The following GRIK5 variants were observed in gnomAD, a reference collection of about 807,000 sequenced individuals.
The protein encoded by GRIK5 is glutamate ionotropic receptor kainate type subunit 5.
A neutral mutation model predicts 97.4 loss-of-function variants in GRIK5; 43 were observed. The observed-to-expected ratio is 0.44, with a 90% CI of 0.35 to 0.57. The LOEUF (loss-of-function observed/expected upper bound fraction) is 0.57. Among genes scored for constraint, GRIK5 ranks in the 20% least tolerant of loss-of-function variants. GRIK5 has a pLI of 0.01. For missense variants in GRIK5, 1,015 were observed against 1,382.0 expected, an observed-to-expected ratio of 0.73 and a Z score of 4.21; for synonymous variants, 580 against 583.5, an observed-to-expected ratio of 0.99 and a Z score of 0.09.
chr19:42,043,244 A>G (rs1329891226), intron 11 of GRIK5, among the ~76,000 whole-genome samples: 1 of 152,158 alleles, frequency 6.6e-6, no homozygotes, highest in Non-Finnish European at 1.5e-5. Flanking sequence ...GATATTTTCT[A>G]TTCTGCTATA....
chr19:42,036,938 C>T (rs1332759619), intron 12 of GRIK5, among the ~76,000 whole-genome samples: 1 of 152,162 alleles, frequency 6.6e-6, no homozygotes, highest in African/African-American at 2.4e-5. Flanking sequence ...GTCACCACTC[C>T]CCATTTGAGG....
At chr19:42,056,640 G>T in intron 8 of GRIK5, 22 bp downstream of exon 8, 1 of 1,609,670 alleles carries the variant, frequency 6.2e-7, no homozygotes, top group South Asian at 1.1e-5. Context: ...TTCTGGGTGT[G>T]ACTGGGTATC....
In GRIK5 at chr19:42,059,523, C is replaced by T. The variant is rs753956292; in HGVS notation, c.513G>A (p.Leu171=). The T allele has an allele frequency of 6.2e-7, 1 of 1,611,146 alleles. No individual in the cohort carries two copies. Residue 171 remains leucine, a synonymous_variant, in exon 6 of 20, where the codon CTG becomes CTA. Coordinates refer to ENST00000593562, the MANE Select transcript of GRIK5 (RefSeq NM_002088.5). ...ASLICAKAEC[L]LRLEELVRGF... is the part of the protein sequence containing the mutation. ...CACGCACCAGTTCCTCCAATCGCAGCAGGCCTGAGGGAGGGGTGGGGCCTT... is the reference window on the plus strand; with the variant it reads ...CACGCACCAGTTCCTCCAATCGCAGTAGGCCTGAGGGAGGGGTGGGGCCTT...
At chr19:42,015,888 A>G (rs192835408) in intron 15 of GRIK5, among the ~76,000 whole-genome samples, 1 of 152,222 alleles carries the variant, frequency 6.6e-6, no homozygotes, top group East Asian at 1.9e-4. Context: ...TCCCACCCTC[A>G]CATTCCCAGC....
intron 12 of GRIK5, among the ~76,000 whole-genome samples, chr19:42,038,569 G>C (rs1461223896): frequency 6.6e-6 from 1 of 152,252 alleles, no homozygotes; most frequent in Non-Finnish European, 1.5e-5. Flanking sequence ...TCAGACAAGG[G>C]CCTGGCACAG....
At chr19:42,068,696 G>A (rs1036647607) in intron 1 of GRIK5, 3 of 446,888 alleles carry the variant, frequency 6.7e-6, no homozygotes, top group African/African-American at 4.1e-5. Flanking sequence ...ACAGAGAGAG[G>A]GATCTAAACA....
intron 5 of GRIK5, among the ~76,000 whole-genome samples, chr19:42,061,759 C>T (rs1472659106): frequency 6.6e-6 from 1 of 152,202 alleles, no homozygotes; most frequent in Non-Finnish European, 1.5e-5. Context: ...CCAGTGTCGC[C>T]TCTCCCCTGC....
chr19:42,033,329 A>AG (rs1342018369), intron 12 of GRIK5, among the ~76,000 whole-genome samples: 1 of 151,984 alleles, frequency 6.6e-6, no homozygotes, highest in East Asian at 1.9e-4. Flanking sequence ...AAAAAAAAAA[A>AG]AAAAAAAAAA....
chr19:42,047,278 G>A lies in GRIK5; in HGVS notation c.1270-4523C>T, dbSNP rs919674862. 4.6e-5 allele frequency among the ~76,000 whole-genome samples: 7 copies of A among 152,036 alleles called. No homozygotes were observed. The South Asian group carries it at 8.3e-4, about 18-fold the overall frequency. On this transcript the variant is annotated intron_variant, in intron 11 of 19. Transcript: ENST00000593562. ...TGGTTGGCTGGGCTTGGTGGTTCAC[G>A]CCTGTAGTCTCAGCACTTTAAGAGG...
intron 12 of GRIK5, among the ~76,000 whole-genome samples, chr19:42,037,085 A>G (rs2075915367): frequency 6.6e-6 from 1 of 152,242 alleles, no homozygotes; most frequent in Non-Finnish European, 1.5e-5. Flanking sequence ...GACCGCCTCA[A>G]GAAAGGTATC....
intron 3 of GRIK5, chr19:42,063,295 A>T (rs578044318): frequency 2.2e-6 from 1 of 458,412 alleles, no homozygotes; most frequent in Non-Finnish European, 4.4e-6. Context: ...CTCCCACTGC[A>T]CTTACTTCCT....
intron 11 of GRIK5, among the ~76,000 whole-genome samples, chr19:42,046,614 C>T (rs1180617690): frequency 2.0e-5 from 3 of 152,080 alleles, no homozygotes; most frequent in Non-Finnish European, 4.4e-5. Flanking sequence ...ATAAAAGAAT[C>T]CCAGGCAACC....
chr19:42,034,350 G>A (rs774790277), intron 12 of GRIK5, among the ~76,000 whole-genome samples: 3 of 152,056 alleles, frequency 2.0e-5, no homozygotes, highest in African/African-American at 4.8e-5. Context: ...CTCCAGCCTC[G>A]GTGACAGAGC....
intron 11 of GRIK5, among the ~76,000 whole-genome samples, chr19:42,052,533 G>A (rs979886495): frequency 1.3e-5 from 2 of 152,168 alleles, no homozygotes; most frequent in African/African-American, 4.8e-5. Context: ...ACTGCTCTGC[G>A]ACTCACTGCT....
chr19:42,040,894 A>AT (rs1421334693), intron 12 of GRIK5, among the ~76,000 whole-genome samples: 4 of 151,436 alleles, frequency 2.6e-5, no homozygotes, highest in Non-Finnish European at 5.9e-5. Flanking sequence ...AAATAAATAA[A>AT]ATAATAATAA....
At chr19:42,008,223 G>A (rs2146021460) in intron 15 of GRIK5, among the ~76,000 whole-genome samples, 1 of 152,180 alleles carries the variant, frequency 6.6e-6, no homozygotes, top group African/African-American at 2.4e-5. Flanking sequence ...TCACCACGTT[G>A]GCAGGTTGGC....
At chr19:42,005,258 C>A (rs374732024) in intron 17 of GRIK5, among the ~76,000 whole-genome samples, 2,261 of 97,500 alleles carry the variant, frequency 0.023, 32 homozygotes, top group African/African-American at 0.053. Context: ...AAAAAAAAAA[C>A]AAAACACCAA....
chr19:42,065,588 G>A lies in GRIK5; in HGVS notation c.79+104C>T, dbSNP rs1190392432. The A allele has an allele frequency of 5.5e-6, 6 of 1,087,688 alleles. No homozygotes were observed. Among genetic ancestry groups the A allele is most frequent in the Non-Finnish European group, 8.0e-6 (6 of 749,244 alleles). 67.4% of individuals were successfully genotyped at this position (1,087,688 alleles called of 1,614,324 possible). On this transcript the variant is annotated intron_variant, in intron 2 of 19. Coordinates refer to ENST00000593562, the MANE Select transcript of GRIK5 (RefSeq NM_002088.5). The surrounding 1 kb of genome is among the most constrained non-coding windows in gnomAD (Gnocchi z 5.8). ...GAACTGGAGGCTGGGATTCCTTGCT[G>A]CTGAAGAGAGCTGAGACCTGGACCC...
At chr19:42,013,896 T>TG (rs2075595554) in intron 15 of GRIK5, among the ~76,000 whole-genome samples, 3 of 150,880 alleles carry the variant, frequency 2.0e-5, no homozygotes, top group African/African-American at 7.3e-5. Context: ...GGGTGTGGCG[T>TG]CGCACACCTG....
Sources: allele counts gnomAD v4.1 joint callset (sites outside exome capture counted in the v4.1 genomes callset), GRCh38; gene constraint gnomAD v4.1.1; non-coding constraint Gnocchi (gnomAD v3.1); transcripts MANE v1.5; gene names NCBI Gene and HGNC (gene_info 2026-07-23, HGNC 2026-07-21).